The following ZFAT variants were observed in gnomAD, a reference collection of about 807,000 sequenced individuals.
The protein encoded by ZFAT is zinc finger protein ZFAT.
A neutral mutation model predicts 117.7 loss-of-function variants in ZFAT; 64 were observed. That is an observed-to-expected ratio of 0.54 (90% CI 0.44 to 0.67). The LOEUF (loss-of-function observed/expected upper bound fraction) is 0.67. Among genes scored for constraint, ZFAT ranks in the 30% least tolerant of loss-of-function variants. The pLI is 0.00. For synonymous variants in ZFAT, 679 were observed against 615.0 expected (o/e 1.10, Z -1.54); for missense variants, 1,433 against 1,584.5 (o/e 0.90, Z 1.62).
rs145830859 is a variant in ZFAT at position 134,564,674 on chromosome 8, T to C, written c.2976+659A>G. On this transcript the variant is annotated intron_variant, in intron 11 of 15. Transcript: ENST00000377838. Reference sequence around the variant, plus strand: ...TTCCATGTGTGCCATGTGTGCCATGTTGCTGTGCCAGCAACAGCAGTAATT... The same window carrying C: ...TTCCATGTGTGCCATGTGTGCCATGCTGCTGTGCCAGCAACAGCAGTAATT... Among the ~76,000 whole-genome samples, 406 of 152,350 alleles carry C rather than the reference T, an allele frequency of 2.7e-3. 2 individuals are homozygous for C. The highest frequency in any genetic ancestry group is 9.2e-3 in the African/African-American group (383 of 41,582).
chr8:134,516,334 G>A (rs915871890), intron 13 of ZFAT, among the ~76,000 whole-genome samples: 5 of 152,176 alleles, frequency 3.3e-5, no homozygotes, highest in Non-Finnish European at 5.9e-5. Flanking sequence ...CAGGAGACAC[G>A]CTTTGGATGG....
At chr8:134,719,644 T>G in the ZFAT span, among the ~76,000 whole-genome samples, 1 of 152,012 alleles carries the variant, frequency 6.6e-6, no homozygotes, top group Non-Finnish European at 1.5e-5. Flanking sequence ...TAAAACATGA[T>G]TTTAATATTG....
chr8:134,681,944 G>C (rs1833090899), intron 1 of ZFAT, among the ~76,000 whole-genome samples: 1 of 152,204 alleles, frequency 6.6e-6, no homozygotes, highest in African/African-American at 2.4e-5. Flanking sequence ...TATTCAGGAA[G>C]AGACTCAGGT....
At chr8:134,479,949 A>C (rs1354766518) in intron 15 of ZFAT, among the ~76,000 whole-genome samples, 1 of 142,336 alleles carries the variant, frequency 7.0e-6, no homozygotes, top group Non-Finnish European at 1.5e-5. Context: ...ATTCAACCAC[A>C]CTTTTTTTTT....
At chr8:134,829,557 A>G in the ZFAT span, among the ~76,000 whole-genome samples, 1 of 152,254 alleles carries the variant, frequency 6.6e-6, no homozygotes, top group Non-Finnish European at 1.5e-5. Context: ...TTGTATGCCA[A>G]CTGATTATTC....
chr8:134,746,833 C>A, the ZFAT span, among the ~76,000 whole-genome samples: 1 of 152,132 alleles, frequency 6.6e-6, no homozygotes, highest in Non-Finnish European at 1.5e-5. Flanking sequence ...AATTGTTAAT[C>A]CCTTAATTGA....
chr8:134,611,067 T>C (rs1315744537), intron 3 of ZFAT, among the ~76,000 whole-genome samples: 3 of 152,218 alleles, frequency 2.0e-5, no homozygotes, highest in Non-Finnish European at 4.4e-5. Context: ...GTGCCAGGCA[T>C]GGTGGACAAA....
intron 13 of ZFAT, among the ~76,000 whole-genome samples, chr8:134,516,603 G>A (rs1051901881): frequency 2.6e-5 from 4 of 152,146 alleles, no homozygotes; most frequent in South Asian, 4.1e-4. Flanking sequence ...GGGAAGCCAG[G>A]GTGGGAAGAT....
At chr8:134,725,633 G>A in the ZFAT span, among the ~76,000 whole-genome samples, 3 of 151,960 alleles carry the variant, frequency 2.0e-5, no homozygotes, top group African/African-American at 7.3e-5. Flanking sequence ...CAACACTGGC[G>A]ATTACAATTC....
At position 134,601,888 on chromosome 8, in the gene ZFAT, C is replaced by G; in HGVS notation, c.1831G>C (p.Ala611Pro). Reference sequence around the variant, plus strand: ...TGCATGTCTGGGGGCTTCTCAGGAGCAGCATGAGCCTCTGCGGAGGAGGTA... The same window carrying G: ...TGCATGTCTGGGGGCTTCTCAGGAGGAGCATGAGCCTCTGCGGAGGAGGTA... ...NDTSSAEAHA[A>P]PEKPPDMQHR... The change falls in exon 6 of 16, where the codon GCT (alanine) becomes CCT (proline). Residue 611 changes from alanine to proline, a missense_variant. Physicochemically the swap from Ala to Pro is conservative, Grantham distance 27. This residue lies in a region of ZFAT where 372 missense variants were observed against 355.6 expected (regional missense o/e 1.05). Coordinates refer to ENST00000377838, the MANE Select transcript of ZFAT (RefSeq NM_020863.4). 6.2e-7 allele frequency: 1 copy of G among 1,613,232 alleles called. No individual in the cohort carries two copies. Among genetic ancestry groups the G allele is most frequent in the Non-Finnish European group, 8.5e-7 (1 of 1,179,578 alleles).
At chr8:134,818,264 C>A in the ZFAT span, among the ~76,000 whole-genome samples, 1 of 151,910 alleles carries the variant, frequency 6.6e-6, no homozygotes, top group Non-Finnish European at 1.5e-5. Flanking sequence ...ACATAAGAAC[C>A]CTCAGAATGC....
chr8:134,677,663 G>A (rs1331916409), intron 1 of ZFAT, among the ~76,000 whole-genome samples: 1 of 152,042 alleles, frequency 6.6e-6, no homozygotes, highest in Admixed American at 6.6e-5. Context: ...AAAAATTTAG[G>A]CCAATATCCT....
chr8:134,654,251 C>T (rs116273753), intron 2 of ZFAT, among the ~76,000 whole-genome samples: 1,715 of 152,016 alleles, frequency 0.011, 32 homozygotes, highest in African/African-American at 0.039. Flanking sequence ...GCCAAGATCA[C>T]GCCATTGCAC....
chr8:134,561,565 T>G lies in ZFAT; in HGVS notation c.2976+3768A>C, dbSNP rs879092620. Among the ~76,000 whole-genome samples the G allele has an allele frequency of 6.6e-5, 10 of 152,218 alleles. 1 individual carries two copies. The highest frequency in any genetic ancestry group is 5.9e-4 in the Admixed American group (9 of 15,276). ...GAACACATTAATTTTATTTTTAAAA[T>G]AAGTATACAAATAAGAAATATGTAC... On this transcript the variant is annotated intron_variant, in intron 11 of 15. Coordinates refer to ENST00000377838, the MANE Select transcript of ZFAT (RefSeq NM_020863.4).
At chr8:134,505,797 T>G (rs1202049194) in intron 15 of ZFAT, among the ~76,000 whole-genome samples, 1 of 152,214 alleles carries the variant, frequency 6.6e-6, no homozygotes, top group Non-Finnish European at 1.5e-5. Context: ...CAGGAAGCAC[T>G]GCAGACTTCT....
intron 1 of ZFAT, among the ~76,000 whole-genome samples, chr8:134,694,129 A>T (rs1212876340): frequency 6.6e-6 from 1 of 152,208 alleles, no homozygotes; most frequent in Admixed American, 6.5e-5. Flanking sequence ...GTGAAGAGAC[A>T]TGACGCTGGA....
the ZFAT span, among the ~76,000 whole-genome samples, chr8:134,814,337 C>T: frequency 1.2e-3 from 190 of 152,176 alleles, 4 homozygotes; most frequent in Non-Finnish European, 2.2e-3. Context: ...CAAAATACAA[C>T]GCTTAATAAA....
intron 3 of ZFAT, among the ~76,000 whole-genome samples, chr8:134,630,163 G>C (rs1829788547): frequency 6.6e-6 from 1 of 152,210 alleles, no homozygotes; most frequent in Non-Finnish European, 1.5e-5. Flanking sequence ...AGGAGCAGTG[G>C]CATGAACTGG....
chr8:134,625,909 G>A (rs1229831971), intron 3 of ZFAT, among the ~76,000 whole-genome samples: 2 of 152,192 alleles, frequency 1.3e-5, no homozygotes, highest in African/African-American at 4.8e-5. Context: ...TGGATCAATC[G>A]TGGACCCTCC....
Sources: gnomAD v4.1 joint callset for allele counts (sites outside exome capture counted in the v4.1 genomes callset) on GRCh38, gnomAD v4.1.1 for gene constraint, gnomAD v4.1.1 regional missense constraint, MANE v1.5 for transcripts, NCBI Gene and HGNC (gene_info 2026-07-23, HGNC 2026-07-21) for gene names.